Variants in LIN9 observed in about 807,000 individuals in gnomAD.
LIN9 encodes protein lin-9 homolog.
A neutral mutation model predicts 78.0 loss-of-function variants in LIN9; 18 were observed. The observed-to-expected ratio is 0.23, with a 90% confidence interval of 0.16 to 0.34. The LOEUF is 0.34. Ranked by LOEUF, LIN9 falls within the 10% of genes least tolerant of loss-of-function variation. The pLI is 1.00. For synonymous variants in LIN9, 192 were observed against 215.2 expected (o/e 0.89, Z 0.94); for missense variants, 451 against 644.1 (o/e 0.70, Z 3.25).
At chr1:226,241,722 G>C (rs1252804140) in intron 11 of LIN9, among the ~76,000 whole-genome samples, 1 of 152,132 alleles carries the variant, frequency 6.6e-6, no homozygotes, top group African/African-American at 2.4e-5. Flanking sequence ...GCTGGGTGTG[G>C]TGGCAGGTGC....
At chr1:226,234,531 C>A (rs58467953) in intron 12 of LIN9, among the ~76,000 whole-genome samples, 1 of 152,102 alleles carries the variant, frequency 6.6e-6, no homozygotes, top group African/African-American at 2.4e-5. Context: ...GACACGTCCC[C>A]GTAATTTGGG....
chr1:226,232,443 A>G lies in LIN9; in HGVS notation c.*58T>C. On this transcript the variant is annotated 3_prime_UTR_variant, in exon 15 of 15. Transcript: ENST00000681046. ...TTATTTGGTGTTGGAAGCCTATATA[A>G]AGGAAAAGAACTTCTCAAAAACAAT... 1.7e-6 allele frequency: 2 copies of G among 1,166,626 alleles called. No homozygotes were observed. Among genetic ancestry groups the G allele is most frequent in the Non-Finnish European group, 2.5e-6 (2 of 796,252 alleles). 72.3% of individuals were successfully genotyped at this position (1,166,626 alleles called of 1,614,324 possible). A position where few individuals can be genotyped will look rare whatever the true frequency, so the allele number is the denominator to read the frequency against.
intron 11 of LIN9, 27 bp downstream of exon 11, chr1:226,250,812 T>C (rs773423433): frequency 2.5e-6 from 3 of 1,196,186 alleles, no homozygotes; most frequent in Non-Finnish European, 3.6e-6. Context: ...GACAAGCAAA[T>C]GAAGAAAAAA....
chr1:226,277,767 T>C lies in LIN9; in HGVS notation c.682+8A>G, dbSNP rs759716785. Reference sequence around the variant, plus strand: ...AGTCAAAAGAGTAATTAGCTTGTTTTCACTTACCTGTAACTTTCGTTCCAA... The same window carrying C: ...AGTCAAAAGAGTAATTAGCTTGTTTCCACTTACCTGTAACTTTCGTTCCAA... On this transcript the variant is annotated splice_region_variant and intron_variant, in intron 7 of 14. Transcript: ENST00000681046. 6.2e-7 allele frequency: 1 copy of C among 1,609,816 alleles called. No individual in the cohort carries two copies. Among genetic ancestry groups the C allele is most frequent in the East Asian group, 2.2e-5 (1 of 44,780 alleles).
At chr1:226,308,862 A>T in intron 1 of LIN9, 1 of 282,976 alleles carries the variant, frequency 3.5e-6, no homozygotes, top group African/African-American at 2.2e-5. Context: ...CGCCTGGCAC[A>T]GGCTGGACTC....
At chr1:226,239,278 T>C (rs1022153435) in intron 11 of LIN9, among the ~76,000 whole-genome samples, 182 bp from the exon 12 acceptor site, 4 of 152,240 alleles carry the variant, frequency 2.6e-5, no homozygotes, top group African/African-American at 9.6e-5. Context: ...TGTCCTTGTT[T>C]ATTGGAGCAT....
intron 6 of LIN9, among the ~76,000 whole-genome samples, chr1:226,281,439 T>C (rs370781621): frequency 7.9e-5 from 12 of 152,300 alleles, no homozygotes; most frequent in African/African-American, 2.9e-4. Flanking sequence ...CTATTTTTTG[T>C]TTTTACTTTG....
chr1:226,309,093 T>C lies in LIN9; in HGVS notation c.31+16A>G. On this transcript the variant is annotated intron_variant, in intron 1 of 14. Coordinates refer to ENST00000681046, the MANE Select transcript of LIN9 (RefSeq NM_001366245.2). ...GCAGGCGGGAAAAGGGGGGGGTGCT[T>C]TGAGGTGCTACTCACTCTCGTCAGG... 1 of 1,312,438 alleles carries C rather than the reference T, an allele frequency of 7.6e-7. No homozygotes were observed. Among genetic ancestry groups the C allele is most frequent in the Non-Finnish European group, 9.8e-7 (1 of 1,021,122 alleles). 81.3% of individuals were successfully genotyped at this position (1,312,438 alleles called of 1,614,324 possible). A position where few individuals can be genotyped will look rare whatever the true frequency, so the allele number is the denominator to read the frequency against.
intron 7 of LIN9, among the ~76,000 whole-genome samples, chr1:226,275,709 A>AC (rs1660611802): frequency 6.9e-6 from 1 of 145,954 alleles, no homozygotes. Context: ...AAAAAAAAAA[A>AC]AAAGAAAAAA....
chr1:226,234,710 T>C (rs1657570405), intron 12 of LIN9, among the ~76,000 whole-genome samples: 1 of 152,068 alleles, frequency 6.6e-6, no homozygotes, highest in Admixed American at 6.6e-5. Context: ...TAGGGTGTCT[T>C]TGCTTTTGGC....
chr1:226,299,049 AGAG>A (rs1024637384), intron 2 of LIN9, among the ~76,000 whole-genome samples: 2 of 152,234 alleles, frequency 1.3e-5, no homozygotes, highest in African/African-American at 2.4e-5. Flanking sequence ...GTGAAAATAA[AGAG>A]GGGTAAGTTT....
intron 6 of LIN9, among the ~76,000 whole-genome samples, chr1:226,280,883 C>A (rs1661005147): frequency 6.6e-6 from 1 of 151,972 alleles, no homozygotes; most frequent in Non-Finnish European, 1.5e-5. Flanking sequence ...GGAGGTTCCT[C>A]AAAAAACTAA....
intron 4 of LIN9, among the ~76,000 whole-genome samples, chr1:226,291,855 C>T (rs1156742213): frequency 6.6e-6 from 1 of 151,856 alleles, no homozygotes; most frequent in African/African-American, 2.4e-5. Context: ...CAGGATACCA[C>T]ACTGCATTTA....
intron 4 of LIN9, among the ~76,000 whole-genome samples, chr1:226,295,021 G>A (rs1013551043): frequency 2.0e-5 from 3 of 151,906 alleles, no homozygotes; most frequent in South Asian, 2.1e-4. Context: ...GGCTGATCTC[G>A]AACTCCTGGC....
At chr1:226,247,315 TTTC>T (rs1355423094) in intron 11 of LIN9, among the ~76,000 whole-genome samples, 1 of 152,150 alleles carries the variant, frequency 6.6e-6, no homozygotes. Flanking sequence ...TACAGTTGAT[TTTC>T]TTTTTTCCTT....
chr1:226,306,248 C>T (rs1000307871), intron 1 of LIN9, among the ~76,000 whole-genome samples: 15 of 152,020 alleles, frequency 9.9e-5, no homozygotes, highest in Non-Finnish European at 1.8e-4. Flanking sequence ...TGGCTTGAAC[C>T]CGGGAGGCGG....
chr1:226,232,720 G>A, intron 14 of LIN9, 114 bp from the exon 15 acceptor site: 1 of 594,098 alleles, frequency 1.7e-6, no homozygotes, highest in Non-Finnish European at 2.9e-6. Context: ...CTTAGGGAAG[G>A]AATAAATCTC....
intron 4 of LIN9, among the ~76,000 whole-genome samples, chr1:226,292,544 T>C (rs567492167): frequency 1.3e-5 from 2 of 152,162 alleles, no homozygotes; most frequent in South Asian, 4.2e-4. Flanking sequence ...ACAGCCTCAA[T>C]CTCCTGGGCT....
In LIN9 at chr1:226,297,804, A is replaced by G; in HGVS notation, c.74T>C (p.Leu25Ser). ...GTACTTTTCATTCCACGTGTTAGAT[A>G]AGCTTCCTTCTGTAATAAATAGTTA... ...KALVSLKEGS[L>S]SNTWNEKYSS... The change falls in exon 3 of 15, where the codon TTA (leucine) becomes TCA (serine). Residue 25 changes from leucine (L) to serine (S), a missense_variant. By Grantham distance (145) the Leu-to-Ser change is moderately radical (BLOSUM62 -2). Coordinates refer to ENST00000681046, the MANE Select transcript of LIN9 (RefSeq NM_001366245.2). 2 of 1,575,364 alleles carry G rather than the reference A, an allele frequency of 1.3e-6. No individual in the cohort carries two copies. Among genetic ancestry groups the G allele is most frequent in the Non-Finnish European group, 1.7e-6 (2 of 1,162,404 alleles).
Sources: gnomAD v4.1 joint callset for allele counts (sites outside exome capture counted in the v4.1 genomes callset) on GRCh38, gnomAD v4.1.1 for gene constraint, MANE v1.5 for transcripts, NCBI Gene and HGNC (gene_info 2026-07-23, HGNC 2026-07-21) for gene names.